MOB1B: variants seen among roughly 807,000 people sequenced by gnomAD.
MOB1B encodes MOB1 Mps One Binder homolog B.
MOB1B carries 19 observed loss-of-function variants against 24.4 expected under a neutral mutation model. The ratio of observed to expected loss-of-function variants is 0.78; its 90% CI spans 0.54 to 1.14. The LOEUF (loss-of-function observed/expected upper bound fraction) is 1.14. MOB1B is among the 50% of genes most tolerant of loss of function. MOB1B has a pLI of 0.00. For synonymous variants in MOB1B, 76 were observed against 82.1 expected, an observed-to-expected ratio of 0.93 and a Z score of 0.40; for missense variants, 243 against 259.6, an observed-to-expected ratio of 0.94 and a Z score of 0.44.
At chr4:70,950,944 C>T (rs368946345) in intron 1 of MOB1B, 18 of 613,464 alleles carry the variant, frequency 2.9e-5, no homozygotes, top group African/African-American at 1.3e-4. Context: ...GTAACTTCTT[C>T]GAGACCCTGG....
At chr4:70,943,718 CTA>C (rs1299965079) in intron 1 of MOB1B, among the ~76,000 whole-genome samples, 2 of 152,062 alleles carry the variant, frequency 1.3e-5, no homozygotes, top group African/African-American at 4.8e-5. Context: ...TAGTAGAAGA[CTA>C]TACGTGTACC....
At chr4:70,917,386 T>G (rs1023709505) in intron 1 of MOB1B, among the ~76,000 whole-genome samples, 1 of 152,198 alleles carries the variant, frequency 6.6e-6, no homozygotes, top group African/African-American at 2.4e-5. Flanking sequence ...TTCATGATAG[T>G]AGAAGTTTTA....
At chr4:70,928,174 T>G (rs112294261) in intron 1 of MOB1B, among the ~76,000 whole-genome samples, 29 of 152,330 alleles carry the variant, frequency 1.9e-4, no homozygotes, top group African/African-American at 6.7e-4. Context: ...CACTGTCATG[T>G]GTATGATCTC....
chr4:70,976,622 A>AT (rs201518216), intron 4 of MOB1B: 21,707 of 980,874 alleles, frequency 0.022, 265 homozygotes, highest in Non-Finnish European at 0.024. Context: ...ACATTTTACG[A>AT]TTTTTTTTGA....
At chr4:70,949,325 T>TA (rs1737701289) in intron 1 of MOB1B, among the ~76,000 whole-genome samples, 2 of 152,226 alleles carry the variant, frequency 1.3e-5, no homozygotes, top group African/African-American at 4.8e-5. Flanking sequence ...TGTAAGTAGA[T>TA]ATGTCTGTTC....
At chr4:70,956,703 GGCCACTGTGCTCA>G (rs1249248058) in intron 1 of MOB1B, among the ~76,000 whole-genome samples, 6 of 152,024 alleles carry the variant, frequency 3.9e-5, no homozygotes, top group Non-Finnish European at 7.4e-5. Flanking sequence ...TATAGGTGTG[GGCCACTGTGCTCA>G]GCCCTGTGAT....
At chr4:70,932,240 G>A (rs1444866074) in intron 1 of MOB1B, among the ~76,000 whole-genome samples, 2 of 151,860 alleles carry the variant, frequency 1.3e-5, no homozygotes, top group Non-Finnish European at 2.9e-5. Flanking sequence ...GATTATAAGA[G>A]AAATCATATC....
intron 1 of MOB1B, among the ~76,000 whole-genome samples, chr4:70,947,660 T>C (rs1737642920): frequency 6.6e-6 from 1 of 152,122 alleles, no homozygotes; most frequent in Non-Finnish European, 1.5e-5. Flanking sequence ...AGGGTCTCAC[T>C]CTGTTGCCCA....
Position 70,958,984 on chromosome 4 carries a change from G to A in MOB1B, c.125G>A (p.Arg42Gln), listed in dbSNP as rs775621553. 29 of 1,614,006 alleles carry A rather than the reference G, an allele frequency of 1.8e-5. No homozygotes were observed. In the Admixed American group the frequency reaches 3.5e-4, roughly 19 times the overall value. Residue 42 changes from arginine (R) to glutamine (Q), a missense_variant, in exon 2 of 6, where the codon CGG (arginine) becomes CAG (glutamine). Arg to Gln is a conservative substitution (Grantham distance 43). Transcript: ENST00000309395. ...GCCACACTTGGCAGTGGCAACCTTC[G>A]GATGGCTGTCATGCTTCCTGAAGGG... Reference protein sequence around the residue: ...AEATLGSGNLRMAVMLPEGED... With the variant: ...AEATLGSGNLQMAVMLPEGED...
intron 2 of MOB1B, among the ~76,000 whole-genome samples, chr4:70,960,044 C>T (rs555375757): frequency 1.1e-4 from 17 of 151,980 alleles, no homozygotes; most frequent in African/African-American, 2.4e-4. Context: ...CCACCATGTC[C>T]GGCTAATTTT....
At chr4:70,902,125 C>T (rs1490270631), upstream of MOB1B, among the ~76,000 whole-genome samples, 5 of 152,180 alleles carry the variant, frequency 3.3e-5, no homozygotes, top group East Asian at 1.9e-4. Flanking sequence ...ACAGGGGGGC[C>T]GGGCAGCCGC....
At chr4:70,906,516 A>G (rs979057550) in intron 1 of MOB1B, among the ~76,000 whole-genome samples, 4 of 152,228 alleles carry the variant, frequency 2.6e-5, no homozygotes, top group Admixed American at 2.6e-4. Flanking sequence ...TAAATCATGT[A>G]GTATGGCGGA....
intron 1 of MOB1B, among the ~76,000 whole-genome samples, chr4:70,907,269 G>A (rs549380515): frequency 2.6e-5 from 4 of 152,184 alleles, no homozygotes; most frequent in South Asian, 2.1e-4. Context: ...GTCTCCTGAC[G>A]TAGGTGTTTT....
intron 1 of MOB1B, among the ~76,000 whole-genome samples, chr4:70,953,556 C>T (rs760470291): frequency 6.6e-6 from 1 of 152,112 alleles, no homozygotes; most frequent in Admixed American, 6.6e-5. Context: ...AAATGATACA[C>T]TTTTGTAAAA....
intron 3 of MOB1B, among the ~76,000 whole-genome samples, chr4:70,972,646 C>T (rs564163467): frequency 1.3e-5 from 2 of 152,184 alleles, no homozygotes; most frequent in South Asian, 2.1e-4. Flanking sequence ...AGAAAGGCAT[C>T]GCGGCAAAAT....
At chr4:70,902,164 A>G (rs935514847), upstream of MOB1B, among the ~76,000 whole-genome samples, 19 of 152,114 alleles carry the variant, frequency 1.2e-4, no homozygotes, top group Admixed American at 4.6e-4. Context: ...CGTCCCTAGC[A>G]GCAGAGGAGA....
At chr4:70,910,034 C>T (rs923541103) in intron 1 of MOB1B, among the ~76,000 whole-genome samples, 2 of 151,696 alleles carry the variant, frequency 1.3e-5, no homozygotes, top group African/African-American at 4.8e-5. Flanking sequence ...AGGTATGAGC[C>T]ACCACGCCCG....
At chr4:70,979,633 A>C (rs1339225261) in intron 5 of MOB1B, among the ~76,000 whole-genome samples, 1 of 152,172 alleles carries the variant, frequency 6.6e-6, no homozygotes, top group African/African-American at 2.4e-5. Flanking sequence ...CTCCTACTGC[A>C]GTCTGCCCTG....
Position 70,931,918 on chromosome 4 carries a change from C to T in MOB1B, c.15-26956C>T, listed in dbSNP as rs147953624. ...CTAAGTTTTGTTGTTGTTGTTCAGA[C>T]GTGGTCTTACTGTGTGGCCCAGGTT... On this transcript the variant is annotated intron_variant, in intron 1 of 5. Coordinates refer to ENST00000309395, the MANE Select transcript of MOB1B (RefSeq NM_173468.4). 2.2e-3 allele frequency among the ~76,000 whole-genome samples: 327 copies of T among 152,020 alleles called. 1 individual carries two copies. Among genetic ancestry groups the T allele is most frequent in the African/African-American group, 6.9e-3 (288 of 41,454 alleles).
Sources: allele counts gnomAD v4.1 joint callset (sites outside exome capture counted in the v4.1 genomes callset), GRCh38; gene constraint gnomAD v4.1.1; transcripts MANE v1.5; gene names NCBI Gene and HGNC (gene_info 2026-07-23, HGNC 2026-07-21).